The following SRGAP2 variants were observed in gnomAD, a reference collection of about 807,000 sequenced individuals.
SRGAP2 encodes SLIT-ROBO Rho GTPase-activating protein 2.
Under a neutral mutation model 57.2 loss-of-function variants are expected in SRGAP2, and 15 were observed. That is an observed-to-expected ratio of 0.26 (90% CI 0.18 to 0.40). The LOEUF (loss-of-function observed/expected upper bound fraction) is 0.40. Ranked by LOEUF, SRGAP2 falls within the 10% of genes least tolerant of loss-of-function variation. The pLI is 1.00. For synonymous variants in SRGAP2, 249 were observed against 248.0 expected (o/e 1.00, Z -0.04); for missense variants, 520 against 669.6 (o/e 0.78, Z 2.47).
chr1:206,393,604 G>C lies in SRGAP2; in HGVS notation c.762G>C (p.Leu254Phe), dbSNP rs782296427. ...LKAIKARNEY[L>F]LALEATNASV... ...CCATCAAAGCCCGGAATGAGTACTT[G>C]CTGGCTTTGGAGGCAACCAATGCAT... is the stretch of plus-strand genomic sequence containing the variant. Residue 254 changes from leucine to phenylalanine, a missense_variant, in exon 7 of 23, where the codon TTG (leucine) becomes TTC (phenylalanine). Coordinates refer to ENST00000573034, the MANE Select transcript of SRGAP2 (RefSeq NM_015326.5). The C allele has an allele frequency of 1.6e-5, 12 of 765,582 alleles. No homozygotes were observed. The African/African-American group carries it at 2.1e-4, about 13-fold the overall frequency. The allele number at this position is 765,582 out of a possible 1,614,324, so 47.4% of individuals were successfully genotyped here.
chr1:206,460,889 A>T (rs782753566), intron 22 of SRGAP2, 148 bp from the exon 23 acceptor site: 3 of 474,120 alleles, frequency 6.3e-6, no homozygotes, highest in Admixed American at 3.8e-5. Context: ...CTTCCTGAGC[A>T]TTCATATGTT....
rs66901207 is a variant in SRGAP2 at position 206,229,931 on chromosome 1, TACACACAC to T, written c.67+23923_67+23930del. On this transcript the variant is annotated intron_variant, in intron 2 of 22. Coordinates refer to ENST00000573034, the MANE Select transcript of SRGAP2 (RefSeq NM_015326.5). ...AGAGAGATATATATGTACACATACATACACACACACACACACACACACACACACACACA... is the reference window on the plus strand; with the variant it reads ...AGAGAGATATATATGTACACATACATACACACACACACACACACACACACA... Among the ~76,000 whole-genome samples the T allele has an allele frequency of 2.4e-4, 34 of 141,762 alleles. 3 individuals carry two copies. In the South Asian group the frequency reaches 5.9e-3, roughly 24 times the overall value. 93.0% of individuals were successfully genotyped at this position (141,762 alleles called of 152,430 possible). A position where few individuals can be genotyped will look rare whatever the true frequency, so the allele number is the denominator to read the frequency against.
chr1:206,221,391 A>ATT, intron 2 of SRGAP2, among the ~76,000 whole-genome samples: 1 of 149,720 alleles, frequency 6.7e-6, no homozygotes, highest in African/African-American at 2.5e-5. Flanking sequence ...CAAAGAAACC[A>ATT]TTTTTTTTTT....
intron 2 of SRGAP2, among the ~76,000 whole-genome samples, chr1:206,293,001 T>TA (rs1397683477): frequency 6.6e-6 from 1 of 152,068 alleles, no homozygotes. Context: ...TGCCAGTACT[T>TA]ATGCTAAGCT....
chr1:206,209,593 G>T (rs1666179332), intron 2 of SRGAP2, among the ~76,000 whole-genome samples: 1 of 152,100 alleles, frequency 6.6e-6, no homozygotes, highest in African/African-American at 2.4e-5. Context: ...TCCTTGGAAA[G>T]TTCATGCCTC....
intron 2 of SRGAP2, among the ~76,000 whole-genome samples, chr1:206,210,690 A>G (rs1228588197): frequency 6.7e-6 from 1 of 148,404 alleles, no homozygotes; most frequent in African/African-American, 2.6e-5. Context: ...TCATGCCAAC[A>G]AAGGTCTTCT....
At chr1:206,324,420 A>T (rs1299197039) in intron 3 of SRGAP2, among the ~76,000 whole-genome samples, 1 of 152,230 alleles carries the variant, frequency 6.6e-6, no homozygotes, top group Middle Eastern at 3.2e-3. Context: ...AAAATCTTCC[A>T]TCTAGGACTA....
chr1:206,354,155 C>T lies in SRGAP2; in HGVS notation c.423+11147C>T, dbSNP rs1225286681. 3.9e-5 allele frequency among the ~76,000 whole-genome samples: 6 copies of T among 152,066 alleles called. No individual in the cohort carries two copies. In the East Asian group the frequency reaches 1.2e-3, roughly 29 times the overall value. On this transcript the variant is annotated intron_variant, in intron 4 of 22. Coordinates refer to ENST00000573034, the MANE Select transcript of SRGAP2 (RefSeq NM_015326.5). The stretch of plus-strand genomic sequence containing the variant: ...TCTGTGGGTCTGTTTATTGATTTTC[C>T]TCTTGACTTTTTTTTACATGCCTAC...
rs192023338 is a variant in SRGAP2, at chr1:206,249,560, A to C, written c.67+43523A>C. Among the ~76,000 whole-genome samples, 183 of 149,226 alleles carry C rather than the reference A, an allele frequency of 1.2e-3. 2 individuals are homozygous for C. The highest frequency in any genetic ancestry group is 1.5e-3 in the Non-Finnish European group (98 of 67,378). ...TTGAACAATGAGAACATACGGGCAC[A>C]GTGTGGGGAACATCACACACCAGGG... On this transcript the variant is annotated intron_variant, in intron 2 of 22. Coordinates refer to ENST00000573034, the MANE Select transcript of SRGAP2 (RefSeq NM_015326.5).
chr1:206,412,019 C>T (rs1226508957), intron 10 of SRGAP2, among the ~76,000 whole-genome samples: 2 of 152,122 alleles, frequency 1.3e-5, no homozygotes, highest in East Asian at 3.8e-4. Context: ...AAATAGTATT[C>T]TCATTTTTCG....
chr1:206,333,302 C>G, intron 3 of SRGAP2: 1 of 1,204,114 alleles, frequency 8.3e-7, no homozygotes. Flanking sequence ...GCCATCTTGG[C>G]TCCTCCCCCC....
rs782327589 is a variant in SRGAP2, at chr1:206,446,302, A to G, written c.2099+3A>G. 1.3e-6 allele frequency: 1 copy of G among 780,584 alleles called. No individual in the cohort carries two copies. The highest frequency in any genetic ancestry group is 1.3e-5 in the South Asian group (1 of 74,616). 48.4% of individuals were successfully genotyped at this position (780,584 alleles called of 1,614,324 possible). ...GGAGGAAGCATGGAGGATTACTGGT[A>G]GGGGGGCTTGGGACGGGAGGAGGGG... On this transcript the variant is annotated splice_donor_region_variant and intron_variant, in intron 18 of 22. Transcript: ENST00000573034.
intron 2 of SRGAP2, among the ~76,000 whole-genome samples, chr1:206,281,492 CA>C (rs1188834911): frequency 1.1e-5 from 1 of 88,744 alleles, no homozygotes; most frequent in Non-Finnish European, 2.0e-5. Context: ...AATTTAAAAC[CA>C]TTTTTTTTTT....
chr1:206,244,272 T>A (rs369304595), intron 2 of SRGAP2, among the ~76,000 whole-genome samples: 1 of 103,730 alleles, frequency 9.6e-6, no homozygotes, highest in Non-Finnish European at 1.9e-5. Flanking sequence ...ATGTTTTAAA[T>A]CTTTTTTTTT....
At chr1:206,440,793 C>A (rs1302971335) in intron 17 of SRGAP2, among the ~76,000 whole-genome samples, 1 of 152,198 alleles carries the variant, frequency 6.6e-6, no homozygotes, top group Non-Finnish European at 1.5e-5. Flanking sequence ...GATGTGCCCA[C>A]CTCAGCCTCC....
chr1:206,262,393 A>G (rs2102628023), intron 2 of SRGAP2, among the ~76,000 whole-genome samples: 1 of 146,160 alleles, frequency 6.8e-6, no homozygotes, highest in South Asian at 2.2e-4. Context: ...TTATTAACAG[A>G]GGGTCTTCTA....
In SRGAP2 at chr1:206,461,360, T is replaced by G; in HGVS notation, c.3156T>G (p.Thr1052=). The G allele has an allele frequency of 1.3e-6, 1 of 780,876 alleles. No homozygotes were observed. The highest frequency in any genetic ancestry group is 2.4e-6 in the Non-Finnish European group (1 of 417,942). 48.4% of individuals were successfully genotyped at this position (780,876 alleles called of 1,614,324 possible). A position where few individuals can be genotyped will look rare whatever the true frequency, so the allele number is the denominator to read the frequency against. Residue 1052 remains threonine (T), a synonymous_variant, in exon 23 of 23, where the codon ACT becomes ACG. Coordinates refer to ENST00000573034, the MANE Select transcript of SRGAP2 (RefSeq NM_015326.5). ...CTGTCTTCCCCAAAACAAATGCCAC[T>G]AGCCCTGGTGTCAACTCATCAACTT... ...KPTVFPKTNA[T]SPGVNSSTSP...
chr1:206,203,780 C>T (rs2102408481), intron 1 of SRGAP2, 130 bp downstream of exon 1: 9 of 1,518,190 alleles, frequency 5.9e-6, no homozygotes, highest in South Asian at 1.2e-5. Flanking sequence ...AGCGGTGCCG[C>T]CCGGAATCCC....
At chr1:206,220,393 C>A (rs1666908269) in intron 2 of SRGAP2, among the ~76,000 whole-genome samples, 1 of 152,142 alleles carries the variant, frequency 6.6e-6, no homozygotes, top group South Asian at 2.1e-4. Flanking sequence ...GAGTGAGGAG[C>A]TAGCATTGTT....
Sources: allele counts gnomAD v4.1 joint callset (sites outside exome capture counted in the v4.1 genomes callset), GRCh38; gene constraint gnomAD v4.1.1; transcripts MANE v1.5; gene names NCBI Gene and HGNC (gene_info 2026-07-23, HGNC 2026-07-21).